The following FHAD1 variants were observed in gnomAD, a reference collection of about 807,000 sequenced individuals.
The protein encoded by FHAD1 is forkhead associated phosphopeptide binding domain 1, also known as forkhead-associated domain-containing protein 1.
FHAD1 carries 146 observed loss-of-function variants against 191.3 expected under a neutral mutation model. The observed-to-expected ratio is 0.76, with a 90% CI of 0.67 to 0.88. FHAD1 has a LOEUF of 0.88. Ranked by LOEUF, FHAD1 falls within the 40% of genes least tolerant of loss-of-function variation. The pLI is 0.00. For synonymous variants in FHAD1, 616 were observed against 672.3 expected (o/e 0.92, Z 1.29); for missense variants, 1,635 against 1,785.8 (o/e 0.92, Z 1.52).
In FHAD1 at chr1:15,264,843, T is replaced by G. The variant is rs559656059; in HGVS notation, c.94-7480T>G. Among the ~76,000 whole-genome samples, 29 of 152,336 alleles carry G rather than the reference T, an allele frequency of 1.9e-4. 1 individual carries two copies. The highest frequency in any genetic ancestry group is 1.4e-3 in the Admixed American group (21 of 15,298). On this transcript the variant is annotated intron_variant, in intron 2 of 33. Coordinates refer to ENST00000688493, the MANE Select transcript of FHAD1 (RefSeq NM_001391957.1). The stretch of plus-strand genomic sequence containing the variant: ...TGGCCTTTATTATGTTGATGTAGTT[T>G]TCTTCTATTCCTAGTATTTTTTTGT...
In FHAD1 at chr1:15,327,281, A is replaced by C; in HGVS notation, c.1557+139A>C. 3.5e-6 allele frequency: 2 copies of C among 577,582 alleles called. No homozygotes were observed. The highest frequency in any genetic ancestry group is 6.2e-6 in the Non-Finnish European group (2 of 324,072). 35.8% of individuals were successfully genotyped at this position (577,582 alleles called of 1,614,324 possible). ...TTCACACTGTTGCTACACCATAAAG[A>C]TTTGTTTTGATTTTATGGGATTTCC... On this transcript the variant is annotated intron_variant, in intron 12 of 33. Transcript: ENST00000688493. This position sits in a 1 kb window ranked among gnomAD's most constrained non-coding sequence, Gnocchi z 5.1.
chr1:15,398,444 T>C (rs1360804896), downstream of FHAD1, among the ~76,000 whole-genome samples: 1 of 152,164 alleles, frequency 6.6e-6, no homozygotes, highest in East Asian at 1.9e-4. Flanking sequence ...AGATTCCCCA[T>C]TTGACAGATG....
At chr1:15,297,542 GGTGA>G (rs1179774317) in intron 5 of FHAD1, among the ~76,000 whole-genome samples, 1 of 152,210 alleles carries the variant, frequency 6.6e-6, no homozygotes, top group Non-Finnish European at 1.5e-5. Flanking sequence ...CTGCAGCAAT[GGTGA>G]GTAAGGTGGG....
At chr1:15,335,970 G>A (rs1486533042) in intron 14 of FHAD1, among the ~76,000 whole-genome samples, 1 of 152,032 alleles carries the variant, frequency 6.6e-6, no homozygotes, top group Non-Finnish European at 1.5e-5. Flanking sequence ...CATCCCAACA[G>A]AGCCTCCACA....
intron 19 of FHAD1, 134 bp downstream of exon 19, chr1:15,349,283 C>G: frequency 1.5e-6 from 1 of 670,348 alleles, no homozygotes; most frequent in Non-Finnish European, 2.6e-6. Flanking sequence ...CGTTTACTGG[C>G]TGTGTGACCT....
chr1:15,292,216 C>T (rs1202164321), intron 4 of FHAD1, among the ~76,000 whole-genome samples: 4 of 152,092 alleles, frequency 2.6e-5, no homozygotes, highest in Admixed American at 6.5e-5. Flanking sequence ...GGCATGATCT[C>T]GACTCATTAA....
At chr1:15,271,932 C>T (rs867612020) in intron 2 of FHAD1, among the ~76,000 whole-genome samples, 2 of 151,820 alleles carry the variant, frequency 1.3e-5, no homozygotes, top group East Asian at 1.9e-4. Flanking sequence ...AATTCCTTGA[C>T]GATTTTCGGT....
chr1:15,260,100 A>C (rs1650314765), intron 2 of FHAD1, among the ~76,000 whole-genome samples: 1 of 152,200 alleles, frequency 6.6e-6, no homozygotes, highest in Non-Finnish European at 1.5e-5. Flanking sequence ...GTTATTTTGA[A>C]GAGAACACTG....
At chr1:15,263,688 A>AT (rs1331009869) in intron 2 of FHAD1, among the ~76,000 whole-genome samples, 2 of 151,420 alleles carry the variant, frequency 1.3e-5, no homozygotes, top group African/African-American at 4.9e-5. Flanking sequence ...CGCCCAACTA[A>AT]TTTTTTGTAT....
In FHAD1 at chr1:15,318,524, C is replaced by T. The variant is rs1259660034; in HGVS notation, c.1365+596C>T. On this transcript the variant is annotated intron_variant, in intron 10 of 33. Coordinates refer to ENST00000688493, the MANE Select transcript of FHAD1 (RefSeq NM_001391957.1). This position sits in a 1 kb window ranked among gnomAD's most constrained non-coding sequence, Gnocchi z 4.1. ...TGGCGGAGGCCTGTAATTCCAGCCACTCAGGAGGCTGAGGCAGGAGAATCA... is the reference window on the plus strand; with the variant it reads ...TGGCGGAGGCCTGTAATTCCAGCCATTCAGGAGGCTGAGGCAGGAGAATCA... Among the ~76,000 whole-genome samples, 3 of 152,036 alleles carry T rather than the reference C, an allele frequency of 2.0e-5. No individual in the cohort carries two copies. The highest frequency in any genetic ancestry group is 1.9e-4 in the East Asian group (1 of 5,190).
chr1:15,348,997 C>T (rs1051588104), intron 18 of FHAD1, 45 bp from the exon 19 acceptor site: 4 of 1,179,122 alleles, frequency 3.4e-6, no homozygotes, highest in Non-Finnish European at 4.9e-6. Flanking sequence ...GCAATTTCCC[C>T]CCTAAATGTG....
chr1:15,326,273 G>T (rs1223097488), intron 11 of FHAD1: 2 of 152,188 alleles, frequency 1.3e-5, no homozygotes, highest in Non-Finnish European at 2.9e-5. Context: ...TCACGCCAGG[G>T]GCTGCCATGT....
intron 33 of FHAD1, chr1:15,393,080 T>C (rs1403976532): frequency 6.6e-6 from 1 of 150,674 alleles, no homozygotes; most frequent in African/African-American, 2.5e-5. Flanking sequence ...TCCTTTTTTT[T>C]TTTTTTTTTT....
chr1:15,359,262 A>G lies in FHAD1; in HGVS notation c.2736+979A>G, dbSNP rs142923932. ...GGTGCACAATAGTTTTGGGAGAGAAAGCAAGACAAGAGCCTAATCTGGAAG... is the reference window on the plus strand; with the variant it reads ...GGTGCACAATAGTTTTGGGAGAGAAGGCAAGACAAGAGCCTAATCTGGAAG... On this transcript the variant is annotated intron_variant, in intron 21 of 33. Transcript: ENST00000688493. Among the ~76,000 whole-genome samples, 948 of 152,274 alleles carry G rather than the reference A, an allele frequency of 6.2e-3. 7 individuals are homozygous for G. The highest frequency in any genetic ancestry group is 0.021 in the African/African-American group (887 of 41,558).
chr1:15,392,121 A>G (rs1704220203), intron 33 of FHAD1, among the ~76,000 whole-genome samples: 1 of 152,244 alleles, frequency 6.6e-6, no homozygotes, highest in East Asian at 1.9e-4. Context: ...GCTTCGCCTA[A>G]GAACAGAGTG....
intron 3 of FHAD1, among the ~76,000 whole-genome samples, chr1:15,275,548 C>T (rs929409482): frequency 6.6e-6 from 1 of 152,204 alleles, no homozygotes; most frequent in African/African-American, 2.4e-5. Context: ...AAGAGACATT[C>T]GTGCAGGCTT....
chr1:15,308,513 A>G (rs1671246528), intron 6 of FHAD1, 100 bp from the exon 7 acceptor site: 14 of 1,486,168 alleles, frequency 9.4e-6, no homozygotes, highest in Non-Finnish European at 1.3e-5. Context: ...CACCCCAGCC[A>G]AAACTCAATC....
At chr1:15,382,290 G>A in intron 31 of FHAD1, 97 bp downstream of exon 31, 1 of 1,242,406 alleles carries the variant, frequency 8.0e-7, no homozygotes, top group Non-Finnish European at 1.1e-6. Flanking sequence ...AGGTAGCACA[G>A]AACACAGGGA....
At chr1:15,401,442 C>G (rs970777067), downstream of FHAD1, among the ~76,000 whole-genome samples, 1 of 152,188 alleles carries the variant, frequency 6.6e-6, no homozygotes, top group African/African-American at 2.4e-5. Context: ...CCCAAACCTC[C>G]CAATCTTCTT....
Sources: allele counts gnomAD v4.1 joint callset (sites outside exome capture counted in the v4.1 genomes callset), GRCh38; gene constraint gnomAD v4.1.1; non-coding constraint Gnocchi (gnomAD v3.1); transcripts MANE v1.5; gene names NCBI Gene and HGNC (gene_info 2026-07-23, HGNC 2026-07-21).